MCTP1: variants seen among roughly 807,000 people sequenced by gnomAD.
MCTP1 encodes multiple C2 and transmembrane domain containing 1, also known as multiple C2 and transmembrane domain-containing protein 1.
MCTP1 carries 69 observed loss-of-function variants against 120.6 expected under a neutral mutation model. The observed-to-expected ratio is 0.57, with a 90% confidence interval of 0.47 to 0.70. MCTP1 has a LOEUF of 0.70. Among genes scored for constraint, MCTP1 ranks in the 30% least tolerant of loss-of-function variants. The probability of loss-of-function intolerance (pLI) is 0.00; values close to 1 mark genes in which losing one functional copy is unlikely to be tolerated. For missense variants in MCTP1, 1,203 were observed against 1,248.8 expected (o/e 0.96, Z 0.55); for synonymous variants, 529 against 493.1 (o/e 1.07, Z -0.96).
chr5:94,834,092 G>A (rs900368577), intron 17 of MCTP1, among the ~76,000 whole-genome samples: 14 of 152,264 alleles, frequency 9.2e-5, no homozygotes, highest in Admixed American at 9.2e-4. Flanking sequence ...TTTTGATTTC[G>A]CTTTGCACAA....
intron 1 of MCTP1, among the ~76,000 whole-genome samples, chr5:95,232,813 A>C (rs983753977): frequency 3.3e-5 from 5 of 152,228 alleles, no homozygotes; most frequent in Non-Finnish European, 5.9e-5. Flanking sequence ...TGAAGTGCCT[A>C]TATTAATATT....
chr5:95,280,116 T>C (rs27688), intron 1 of MCTP1, among the ~76,000 whole-genome samples: 126,793 of 152,220 alleles, frequency 0.83, 52,918 homozygotes, highest in African/African-American at 0.88. Context: ...TTTTGTTAAA[T>C]ATGTGCTTTA....
intron 1 of MCTP1, among the ~76,000 whole-genome samples, chr5:95,180,042 A>C (rs1013286829): frequency 6.6e-6 from 1 of 152,230 alleles, no homozygotes; most frequent in Non-Finnish European, 1.5e-5. Flanking sequence ...CAGTTAAGAA[A>C]GACAAAGAGG....
At chr5:95,216,834 C>T (rs1225341707) in intron 1 of MCTP1, among the ~76,000 whole-genome samples, 2 of 152,146 alleles carry the variant, frequency 1.3e-5, no homozygotes, top group African/African-American at 4.8e-5. Flanking sequence ...GACTTACATG[C>T]CAATCTTTTC....
intron 19 of MCTP1, among the ~76,000 whole-genome samples, chr5:94,747,960 C>T (rs6885036): frequency 0.19 from 28,985 of 151,956 alleles, 2,830 homozygotes; most frequent in South Asian, 0.29. Context: ...CGTAGTGGCG[C>T]GCGCCTGTAA....
intron 1 of MCTP1, among the ~76,000 whole-genome samples, chr5:95,208,657 G>C (rs1358907683): frequency 6.6e-6 from 1 of 151,656 alleles, no homozygotes; most frequent in Non-Finnish European, 1.5e-5. Flanking sequence ...TCTATAATGG[G>C]TGTTAGGAAT....
chr5:95,019,684 G>A (rs1473765882), intron 1 of MCTP1, among the ~76,000 whole-genome samples: 1 of 152,000 alleles, frequency 6.6e-6, no homozygotes, highest in Non-Finnish European at 1.5e-5. Context: ...CCACACCTTA[G>A]TCAGTCTAGG....
In MCTP1 at chr5:94,926,708, A is replaced by G. The variant is rs538957953; in HGVS notation, c.1213-2687T>C. On this transcript the variant is annotated intron_variant, in intron 6 of 22. Transcript: ENST00000515393. ...TCCATCTATCTTTCTTGTTAAATTA[A>G]AAGGCCATGTAATCGCACAGCAGCC... 2.6e-5 allele frequency among the ~76,000 whole-genome samples: 4 copies of G among 152,298 alleles called. No homozygotes were observed. In the East Asian group the frequency reaches 7.7e-4, roughly 29 times the overall value.
intron 10 of MCTP1, among the ~76,000 whole-genome samples, chr5:94,901,735 C>T (rs551193077): frequency 1.3e-5 from 2 of 152,062 alleles, no homozygotes; most frequent in South Asian, 2.1e-4. Flanking sequence ...TTCTGATCAC[C>T]GTTTTTCTCC....
Position 94,957,079 on chromosome 5 carries a change from T to C in MCTP1, c.839-3718A>G, listed in dbSNP as rs552289370. ...TAACAGCAGATCTCTCTGCAGAAAT[T>C]CTACAAGCCAGAAGAGACTGGGGGC... On this transcript the variant is annotated intron_variant, in intron 2 of 22. Coordinates refer to ENST00000515393, the MANE Select transcript of MCTP1 (RefSeq NM_024717.7). 3.9e-5 allele frequency among the ~76,000 whole-genome samples: 6 copies of C among 152,282 alleles called. No individual in the cohort carries two copies. The South Asian group carries it at 8.3e-4, about 21-fold the overall frequency.
intron 10 of MCTP1, among the ~76,000 whole-genome samples, chr5:94,899,551 A>G (rs1730098227): frequency 6.6e-6 from 1 of 152,190 alleles, no homozygotes; most frequent in African/African-American, 2.4e-5. Flanking sequence ...AGGAAGCCAC[A>G]CTGTGAAGAT....
chr5:94,920,782 TAAA>T (rs1206984496), intron 7 of MCTP1, among the ~76,000 whole-genome samples: 14 of 150,158 alleles, frequency 9.3e-5, no homozygotes, highest in African/African-American at 3.2e-4. Flanking sequence ...AATAAATAAA[TAAA>T]TAATAAAAAG....
Position 94,752,108 on chromosome 5 carries a change from AATATATATATATATATATATATATAT to A in MCTP1, c.2610+26976_2610+27001del, listed in dbSNP as rs146434254. ...ATGTACCCTAAAACTTAAATAATAA[AATATATATATATATATATATATATAT>A]ATATATATATATTCAAAATAGCTTC... On this transcript the variant is annotated intron_variant, in intron 19 of 22. Transcript: ENST00000515393. 3.0e-4 allele frequency among the ~76,000 whole-genome samples: 23 copies of A among 75,804 alleles called. 1 individual carries two copies. The highest frequency in any genetic ancestry group is 4.2e-4 in the South Asian group (1 of 2,382). 49.7% of individuals were successfully genotyped at this position (75,804 alleles called of 152,430 possible).
chr5:95,102,783 T>C (rs1466124588), intron 1 of MCTP1, among the ~76,000 whole-genome samples: 1 of 152,184 alleles, frequency 6.6e-6, no homozygotes, highest in Non-Finnish European at 1.5e-5. Context: ...AGGTGATACA[T>C]TAGCTAAGAC....
intron 5 of MCTP1, among the ~76,000 whole-genome samples, chr5:94,939,298 T>C (rs1816971995): frequency 6.6e-6 from 1 of 152,010 alleles, no homozygotes; most frequent in Non-Finnish European, 1.5e-5. Flanking sequence ...ATTGCTGAAA[T>C]AGAGTATTTG....
At chr5:94,759,541 A>G (rs767362631) in intron 19 of MCTP1, among the ~76,000 whole-genome samples, 4 of 152,270 alleles carry the variant, frequency 2.6e-5, no homozygotes, top group Non-Finnish European at 5.9e-5. Context: ...AAAAAGGGTT[A>G]CAACATCCCT....
At chr5:94,818,035 C>A (rs1784855923) in intron 17 of MCTP1, among the ~76,000 whole-genome samples, 1 of 152,170 alleles carries the variant, frequency 6.6e-6, no homozygotes. Context: ...AACAGTGAGA[C>A]TCAACTGTGG....
At chr5:94,736,560 A>G (rs1764307427) in intron 19 of MCTP1, among the ~76,000 whole-genome samples, 1 of 152,220 alleles carries the variant, frequency 6.6e-6, no homozygotes, top group South Asian at 2.1e-4. Flanking sequence ...GGCAATGTAA[A>G]TATAGATTAA....
At chr5:95,172,587 A>T (rs1453044129) in intron 1 of MCTP1, among the ~76,000 whole-genome samples, 1 of 87,064 alleles carries the variant, frequency 1.1e-5, no homozygotes, top group Non-Finnish European at 2.6e-5. Flanking sequence ...TTCATATCAA[A>T]CTATTTTTTT....
Sources: allele counts gnomAD v4.1 joint callset (sites outside exome capture counted in the v4.1 genomes callset), GRCh38; gene constraint gnomAD v4.1.1; transcripts MANE v1.5; gene names NCBI Gene and HGNC (gene_info 2026-07-23, HGNC 2026-07-21).